Variants in CNTN5 observed in about 807,000 individuals in gnomAD.
The protein encoded by CNTN5 is contactin-5.
A neutral mutation model predicts 129.1 loss-of-function variants in CNTN5; 77 were observed. The observed-to-expected ratio is 0.60, with a 90% confidence interval of 0.50 to 0.72. CNTN5 has a LOEUF of 0.72. CNTN5 is among the 30% of genes least tolerant of loss of function. The pLI, the probability that CNTN5 is intolerant of heterozygous loss-of-function variation, is 0.00. For missense variants in CNTN5, 1,478 were observed against 1,328.8 expected (o/e 1.11, Z -1.75); for synonymous variants, 509 against 465.6 (o/e 1.09, Z -1.20).
intron 1 of CNTN5, among the ~76,000 whole-genome samples, chr11:99,281,497 A>G (rs1394149524): frequency 6.6e-6 from 1 of 151,956 alleles, no homozygotes. Context: ...GTTCTCACTC[A>G]CAGGTTTCTG....
intron 3 of CNTN5, among the ~76,000 whole-genome samples, chr11:99,795,592 T>TC (rs897229286): frequency 6.6e-6 from 1 of 151,944 alleles, no homozygotes; most frequent in African/African-American, 2.4e-5. Context: ...TTAGATCTTT[T>TC]TTTTTTTTTG....
At chr11:99,190,703 G>GAT (rs1181360742) in intron 1 of CNTN5, among the ~76,000 whole-genome samples, 3 of 151,394 alleles carry the variant, frequency 2.0e-5, no homozygotes, top group Non-Finnish European at 1.5e-5. Context: ...AATGTTAGTG[G>GAT]ATAGAAATGA....
chr11:100,204,330 AT>A lies in CNTN5; in HGVS notation c.1884+10668del, dbSNP rs1565340583. ...TATATATATATATATATATATATAT[AT>A]ATATATATATATAATTATAGGCAGA... On this transcript the variant is annotated intron_variant, in intron 15 of 24. Transcript: ENST00000524871. Among the ~76,000 whole-genome samples the A allele has an allele frequency of 9.9e-3, 1,107 of 111,282 alleles. 91 individuals are homozygous for A. Among genetic ancestry groups the A allele is most frequent in the African/African-American group, 0.034 (1,067 of 30,928 alleles). 73.0% of individuals were successfully genotyped at this position (111,282 alleles called of 152,430 possible).
intron 9 of CNTN5, among the ~76,000 whole-genome samples, chr11:100,032,960 C>G (rs929680438): frequency 2.6e-5 from 4 of 151,924 alleles, no homozygotes; most frequent in African/African-American, 7.3e-5. Flanking sequence ...AATAAAATGT[C>G]TATTAATTTG....
At chr11:99,468,723 T>C (rs1945045161) in intron 2 of CNTN5, among the ~76,000 whole-genome samples, 1 of 151,268 alleles carries the variant, frequency 6.6e-6, no homozygotes, top group South Asian at 2.1e-4. Context: ...TGATGTTTAT[T>C]GTTAGAAACT....
intron 1 of CNTN5, among the ~76,000 whole-genome samples, chr11:99,179,035 C>T (rs1857917085): frequency 6.6e-6 from 1 of 152,034 alleles, no homozygotes; most frequent in African/African-American, 2.4e-5. Context: ...TCCTGTAAAA[C>T]ATGGAAATGC....
chr11:99,457,114 T>C (rs768117543), intron 2 of CNTN5, among the ~76,000 whole-genome samples: 1 of 152,008 alleles, frequency 6.6e-6, no homozygotes, highest in Non-Finnish European at 1.5e-5. Flanking sequence ...AGAGAATGAA[T>C]GAACATAGGT....
intron 2 of CNTN5, among the ~76,000 whole-genome samples, chr11:99,499,426 T>G (rs904865207): frequency 2.6e-5 from 4 of 152,172 alleles, no homozygotes; most frequent in Non-Finnish European, 4.4e-5. Flanking sequence ...TTCTGCCTAC[T>G]GTCATGTGAA....
chr11:99,968,869 A>C (rs1167175557), intron 8 of CNTN5, among the ~76,000 whole-genome samples: 1 of 151,826 alleles, frequency 6.6e-6, no homozygotes, highest in Non-Finnish European at 1.5e-5. Context: ...AAGCTGAATA[A>C]TATAAAAAGT....
intron 3 of CNTN5, among the ~76,000 whole-genome samples, chr11:99,622,300 C>A (rs1950976607): frequency 6.6e-6 from 1 of 152,112 alleles, no homozygotes; most frequent in Non-Finnish European, 1.5e-5. Flanking sequence ...TGTAAACAAG[C>A]TTGCAATCAA....
intron 1 of CNTN5, among the ~76,000 whole-genome samples, chr11:99,145,071 T>G (rs1248302169): frequency 6.6e-6 from 1 of 152,084 alleles, no homozygotes; most frequent in Admixed American, 6.6e-5. Flanking sequence ...GGAAATAATT[T>G]TTATTTTTTA....
At chr11:99,578,254 G>A (rs4754634) in intron 3 of CNTN5, among the ~76,000 whole-genome samples, 1 of 151,960 alleles carries the variant, frequency 6.6e-6, no homozygotes, top group South Asian at 2.1e-4. Flanking sequence ...TTGGTTCCAA[G>A]TCTTTGCTAT....
intron 1 of CNTN5, among the ~76,000 whole-genome samples, chr11:99,241,152 T>A (rs561214771): frequency 6.6e-6 from 1 of 152,270 alleles, no homozygotes; most frequent in Admixed American, 6.5e-5. Flanking sequence ...TCTCCATCTT[T>A]ACAATATGTC....
At chr11:99,176,117 T>A (rs1030404912) in intron 1 of CNTN5, among the ~76,000 whole-genome samples, 9 of 152,216 alleles carry the variant, frequency 5.9e-5, no homozygotes, top group African/African-American at 1.7e-4. Flanking sequence ...AGTCCTCATG[T>A]TCTTAGAAGA....
chr11:100,294,948 G>A (rs1246300260), intron 18 of CNTN5, among the ~76,000 whole-genome samples: 1 of 151,598 alleles, frequency 6.6e-6, no homozygotes, highest in African/African-American at 2.4e-5. Flanking sequence ...GGAAATTTAA[G>A]CCAATTGGAA....
rs1344764429 is a variant in CNTN5, at chr11:100,057,257, AATAT to A, written c.981-3949_981-3946del. Among the ~76,000 whole-genome samples the A allele has an allele frequency of 3.4e-5, 5 of 148,112 alleles. No homozygotes were observed. In the East Asian group the frequency reaches 5.8e-4, roughly 17 times the overall value. On this transcript the variant is annotated intron_variant, in intron 9 of 24. Transcript: ENST00000524871. ...ATACATTATAAAGTATAAATATATA[AATAT>A]ATATAAAGTATAAGAGGAATTAGTA...
chr11:99,843,264 C>T (rs1421408681), intron 4 of CNTN5, among the ~76,000 whole-genome samples: 1 of 152,026 alleles, frequency 6.6e-6, no homozygotes, highest in East Asian at 1.9e-4. Context: ...ATCTAGGATT[C>T]AAAGAAAATA....
chr11:99,953,878 C>T (rs1270998432), intron 7 of CNTN5, among the ~76,000 whole-genome samples: 1 of 152,118 alleles, frequency 6.6e-6, no homozygotes, highest in Non-Finnish European at 1.5e-5. Flanking sequence ...CCTTTTGTTG[C>T]AATTGCTTTT....
At chr11:99,276,861 T>C (rs1277899336) in intron 1 of CNTN5, among the ~76,000 whole-genome samples, 2 of 151,604 alleles carry the variant, frequency 1.3e-5, no homozygotes, top group African/African-American at 2.4e-5. Context: ...TATTTCTAAT[T>C]TTCTCCTATA....
Sources: gnomAD v4.1 joint callset for allele counts (sites outside exome capture counted in the v4.1 genomes callset) on GRCh38, gnomAD v4.1.1 for gene constraint, MANE v1.5 for transcripts, NCBI Gene and HGNC (gene_info 2026-07-23, HGNC 2026-07-21) for gene names.